Variants in OR10J1 observed in about 807,000 individuals in gnomAD.
OR10J1 encodes the protein olfactory receptor 10J1.
For synonymous variants in OR10J1, 202 were observed against 143.8 expected (o/e 1.40, Z -2.89); for missense variants, 474 against 376.6 (o/e 1.26, Z -2.14).
chr1:159,422,774 G>A, the OR10J1 span, among the ~76,000 whole-genome samples: 1 of 152,160 alleles, frequency 6.6e-6, no homozygotes, highest in African/African-American at 2.4e-5. Flanking sequence ...TACTAGGGTT[G>A]AGCTCCTTTC....
At chr1:159,413,519 A>G in the OR10J1 span, among the ~76,000 whole-genome samples, 6 of 152,162 alleles carry the variant, frequency 3.9e-5, no homozygotes, top group South Asian at 2.1e-4. Flanking sequence ...ATAAAAAATG[A>G]TGAGTTCATG....
chr1:159,440,762 C>A lies in OR10J1; in HGVS notation c.*41C>A, dbSNP rs746815239. ...TCTCCTGAGGCTGTCAACATCCACA[C>A]TAGGCAGGAATATGAGGTGTAAACT... On this transcript the variant is annotated 3_prime_UTR_variant, in exon 1 of 1. Coordinates refer to ENST00000423932, the MANE Select transcript of OR10J1 (RefSeq NM_012351.3). The A allele has an allele frequency of 6.3e-6, 10 of 1,577,828 alleles. No individual in the cohort carries two copies. Among genetic ancestry groups the A allele is most frequent in the Admixed American group, 1.7e-5 (1 of 58,170 alleles).
chr1:159,428,209 T>C, the OR10J1 span, among the ~76,000 whole-genome samples: 1 of 152,134 alleles, frequency 6.6e-6, no homozygotes, highest in African/African-American at 2.4e-5. Context: ...ATGAGAGAGA[T>C]AAAAATCAGA....
At chr1:159,406,954 G>A in the OR10J1 span, among the ~76,000 whole-genome samples, 2 of 152,086 alleles carry the variant, frequency 1.3e-5, no homozygotes, top group Non-Finnish European at 2.9e-5. Flanking sequence ...GGCTGTGGGC[G>A]AGCCACCCAA....
chr1:159,418,713 TC>T, the OR10J1 span, among the ~76,000 whole-genome samples: 1 of 152,138 alleles, frequency 6.6e-6, no homozygotes, highest in African/African-American at 2.4e-5. Flanking sequence ...AGGGACACTG[TC>T]CTCCAGACCT....
the OR10J1 span, chr1:159,405,475 G>A: frequency 4.2e-5 from 10 of 240,636 alleles, no homozygotes; most frequent in East Asian, 9.4e-5. Context: ...TCTGCACAGA[G>A]CATCTTTGAG....
the OR10J1 span, among the ~76,000 whole-genome samples, chr1:159,414,459 T>C: frequency 6.6e-6 from 1 of 152,164 alleles, no homozygotes; most frequent in Non-Finnish European, 1.5e-5. Context: ...CCATTGTGTT[T>C]ACATACCACA....
At chr1:159,430,811 G>C in the OR10J1 span, among the ~76,000 whole-genome samples, 2 of 152,018 alleles carry the variant, frequency 1.3e-5, no homozygotes, top group African/African-American at 4.8e-5. Flanking sequence ...AACTGCACTT[G>C]GCAATTTACA....
the OR10J1 span, among the ~76,000 whole-genome samples, chr1:159,398,618 T>C: frequency 2.0e-5 from 3 of 152,112 alleles, no homozygotes; most frequent in Non-Finnish European, 4.4e-5. Flanking sequence ...ATTGGTATAC[T>C]GAGGAATGCA....
At chr1:159,419,675 T>C in the OR10J1 span, among the ~76,000 whole-genome samples, 2 of 152,230 alleles carry the variant, frequency 1.3e-5, no homozygotes, top group Non-Finnish European at 2.9e-5. Context: ...TTTATTCCAC[T>C]GTAGTCTCAG....
the OR10J1 span, among the ~76,000 whole-genome samples, chr1:159,404,172 A>G: frequency 2.0e-5 from 3 of 152,102 alleles, no homozygotes; most frequent in Non-Finnish European, 4.4e-5. Context: ...TATAGAAAAA[A>G]TAAATAAGGC....
At chr1:159,422,509 T>C in the OR10J1 span, among the ~76,000 whole-genome samples, 1 of 152,190 alleles carries the variant, frequency 6.6e-6, no homozygotes, top group African/African-American at 2.4e-5. Context: ...TGCAGGGGTC[T>C]CTGCCCATGG....
At chr1:159,397,538 C>T in the OR10J1 span, among the ~76,000 whole-genome samples, 2 of 151,976 alleles carry the variant, frequency 1.3e-5, no homozygotes, top group African/African-American at 2.4e-5. Flanking sequence ...AGGGTGAGTC[C>T]CAGGCTAGAC....
At chr1:159,432,032 A>G in the OR10J1 span, among the ~76,000 whole-genome samples, 1 of 152,164 alleles carries the variant, frequency 6.6e-6, no homozygotes, top group Admixed American at 6.5e-5. Flanking sequence ...GAGAACCTTG[A>G]TGGGTCCTTC....
chr1:159,421,374 A>T, the OR10J1 span, among the ~76,000 whole-genome samples: 1 of 152,024 alleles, frequency 6.6e-6, no homozygotes, highest in African/African-American at 2.4e-5. Context: ...AATATTTTAA[A>T]TTCTTTTTTG....
chr1:159,423,852 A>G, the OR10J1 span, among the ~76,000 whole-genome samples: 8 of 152,206 alleles, frequency 5.3e-5, no homozygotes, highest in Non-Finnish European at 1.0e-4. Context: ...TATTGCTGTC[A>G]ATACAAGAAA....
At chr1:159,429,972 G>A in the OR10J1 span, among the ~76,000 whole-genome samples, 160 of 152,166 alleles carry the variant, frequency 1.1e-3, 1 homozygote, top group Non-Finnish European at 1.9e-3. Flanking sequence ...TCCTGAATAA[G>A]CCTCCATCCT....
upstream of OR10J1, chr1:159,439,598 G>A: frequency 1.5e-6 from 1 of 670,016 alleles, no homozygotes. Flanking sequence ...AATTATAACA[G>A]ATGGTCACAG....
At chr1:159,404,697 T>C in the OR10J1 span, among the ~76,000 whole-genome samples, 1 of 152,224 alleles carries the variant, frequency 6.6e-6, no homozygotes, top group Non-Finnish European at 1.5e-5. Context: ...ACTCCATTCA[T>C]TACAAAGAGC....
Sources: allele counts gnomAD v4.1 joint callset (sites outside exome capture counted in the v4.1 genomes callset), GRCh38; gene constraint gnomAD v4.1.1; transcripts MANE v1.5; gene names NCBI Gene and HGNC (gene_info 2026-07-23, HGNC 2026-07-21).